TMEM117: variants seen among roughly 807,000 people sequenced by gnomAD.
TMEM117 encodes transmembrane protein 117.
Under a neutral mutation model 52.4 loss-of-function variants are expected in TMEM117, and 27 were observed. The ratio of observed to expected loss-of-function variants is 0.51; its 90% CI spans 0.38 to 0.71. The LOEUF (loss-of-function observed/expected upper bound fraction) is 0.71. Ranked by LOEUF, TMEM117 falls within the 30% of genes least tolerant of loss-of-function variation. The pLI is 0.00. For synonymous variants in TMEM117, 215 were observed against 206.3 expected (o/e 1.04, Z -0.36); for missense variants, 556 against 630.5 (o/e 0.88, Z 1.26).
chr12:43,860,021 GTTTCTT>G (rs1401563778), intron 2 of TMEM117, among the ~76,000 whole-genome samples: 1 of 152,108 alleles, frequency 6.6e-6, no homozygotes, highest in African/African-American at 2.4e-5. Context: ...ATGTCATTGA[GTTTCTT>G]CTTCTTATTA....
chr12:44,036,856 A>G (rs1946718186), intron 3 of TMEM117, among the ~76,000 whole-genome samples: 1 of 152,310 alleles, frequency 6.6e-6, no homozygotes, highest in East Asian at 1.9e-4. Flanking sequence ...TGTTCTTATT[A>G]TGTAACAGAC....
chr12:43,914,899 CT>C (rs1287264624), intron 2 of TMEM117, among the ~76,000 whole-genome samples: 1 of 152,084 alleles, frequency 6.6e-6, no homozygotes, highest in Non-Finnish European at 1.5e-5. Flanking sequence ...CTGGTACCCC[CT>C]CCTTCAGCAA....
chr12:44,175,218 A>T (rs1285710885), intron 4 of TMEM117, among the ~76,000 whole-genome samples: 2 of 152,152 alleles, frequency 1.3e-5, no homozygotes, highest in African/African-American at 4.8e-5. Flanking sequence ...GCCAGAGAAG[A>T]TGGAGCTTAA....
chr12:43,897,391 A>G (rs780337122), intron 2 of TMEM117, among the ~76,000 whole-genome samples: 5 of 150,180 alleles, frequency 3.3e-5, no homozygotes, highest in African/African-American at 4.9e-5. Context: ...GGCTCACTGC[A>G]ACTTCCGCCT....
chr12:44,254,011 C>CAAAAAAAAA (rs199912435), intron 5 of TMEM117, among the ~76,000 whole-genome samples: 1 of 90,094 alleles, frequency 1.1e-5, no homozygotes, highest in Admixed American at 1.2e-4. Context: ...CTCATTTGAC[C>CAAAAAAAAA]AAAAAAAAAA....
intron 2 of TMEM117, among the ~76,000 whole-genome samples, chr12:43,912,267 T>G (rs1944518381): frequency 7.0e-6 from 1 of 142,526 alleles, no homozygotes; most frequent in Non-Finnish European, 1.5e-5. Context: ...AAACACTGCA[T>G]ATTCTCACTC....
intron 5 of TMEM117, among the ~76,000 whole-genome samples, chr12:44,268,421 G>A (rs1484275773): frequency 6.6e-6 from 1 of 152,036 alleles, no homozygotes; most frequent in Non-Finnish European, 1.5e-5. Flanking sequence ...TGGGATTACA[G>A]ACATGAGCCA....
Position 44,340,630 on chromosome 12 carries a change from C to T in TMEM117, c.769-35965C>T, listed in dbSNP as rs966232375. On this transcript the variant is annotated intron_variant, in intron 6 of 7. Transcript: ENST00000266534. ...AACCATCTAACTACTTAGCTATGCA[C>T]GTCAAGAATTTATTTACTGAAAGAA... Among the ~76,000 whole-genome samples the T allele has an allele frequency of 2.6e-5, 4 of 151,946 alleles. No homozygotes were observed. In the East Asian group the frequency reaches 5.8e-4, roughly 22 times the overall value.
rs73276218 is a variant in TMEM117 at position 44,294,295 on chromosome 12, A to G, written c.609-5285A>G. Among the ~76,000 whole-genome samples, 537 of 152,338 alleles carry G rather than the reference A, an allele frequency of 3.5e-3. 5 individuals are homozygous for G. The highest frequency in any genetic ancestry group is 0.012 in the African/African-American group (512 of 41,598). On this transcript the variant is annotated intron_variant, in intron 5 of 7. Coordinates refer to ENST00000266534, the MANE Select transcript of TMEM117 (RefSeq NM_032256.3). The stretch of plus-strand genomic sequence containing the variant: ...TATTCCCTCTCTATCTGTGAGGAAT[A>G]AATTCTAAGATTCCCAGTGGATGCC...
chr12:43,878,136 C>A (rs533734721), intron 2 of TMEM117, among the ~76,000 whole-genome samples: 57 of 149,886 alleles, frequency 3.8e-4, no homozygotes, highest in African/African-American at 1.3e-3. Flanking sequence ...TAACAAACCA[C>A]TCTGACTTTT....
chr12:43,799,536 C>T, the TMEM117 span: 1 of 1,247,764 alleles, frequency 8.0e-7, no homozygotes, highest in South Asian at 1.6e-5. Context: ...ATCAGTAATT[C>T]TCTAGAAGTA....
intron 3 of TMEM117, among the ~76,000 whole-genome samples, chr12:43,985,338 T>C (rs1945830364): frequency 6.6e-6 from 1 of 152,166 alleles, no homozygotes; most frequent in African/African-American, 2.4e-5. Context: ...GTCAAAGCTT[T>C]ATATTCATAT....
At chr12:44,152,871 G>T (rs1013836271) in intron 4 of TMEM117, among the ~76,000 whole-genome samples, 1 of 143,296 alleles carries the variant, frequency 7.0e-6, no homozygotes, top group African/African-American at 2.5e-5. Flanking sequence ...TATATTTATG[G>T]AACCATTTTG....
chr12:44,124,988 C>A (rs1360426056), intron 3 of TMEM117, among the ~76,000 whole-genome samples: 1 of 152,152 alleles, frequency 6.6e-6, no homozygotes, highest in East Asian at 1.9e-4. Flanking sequence ...GGAATGGTAC[C>A]AGCTCTTTTT....
chr12:44,118,373 T>G (rs1429061194), intron 3 of TMEM117, among the ~76,000 whole-genome samples: 5 of 152,178 alleles, frequency 3.3e-5, no homozygotes, highest in Non-Finnish European at 7.4e-5. Flanking sequence ...GAAATCCATT[T>G]CAGCTTTAGA....
chr12:44,169,502 T>C (rs1196175477), intron 4 of TMEM117, among the ~76,000 whole-genome samples: 1 of 152,230 alleles, frequency 6.6e-6, no homozygotes, highest in Non-Finnish European at 1.5e-5. Flanking sequence ...CTTTTGGGTA[T>C]ATTCTTTGAG....
intron 2 of TMEM117, among the ~76,000 whole-genome samples, chr12:43,908,725 C>A (rs931716494): frequency 2.6e-5 from 4 of 151,870 alleles, no homozygotes; most frequent in African/African-American, 7.3e-5. Context: ...GGCTTTAAGC[C>A]AAAAAAGATC....
At chr12:43,958,846 G>C (rs777973750) in intron 3 of TMEM117, among the ~76,000 whole-genome samples, 4 of 151,744 alleles carry the variant, frequency 2.6e-5, no homozygotes, top group Admixed American at 2.6e-4. Context: ...TCACTCTGTC[G>C]CCCTGGCTGG....
intron 2 of TMEM117, among the ~76,000 whole-genome samples, chr12:43,895,037 G>GT (rs770611971): frequency 6.6e-6 from 1 of 152,022 alleles, no homozygotes; most frequent in Non-Finnish European, 1.5e-5. Flanking sequence ...GTGGAGATTT[G>GT]TTACATAAGT....
Sources: gnomAD v4.1 joint callset for allele counts (sites outside exome capture counted in the v4.1 genomes callset) on GRCh38, gnomAD v4.1.1 for gene constraint, MANE v1.5 for transcripts, NCBI Gene and HGNC (gene_info 2026-07-23, HGNC 2026-07-21) for gene names.